Variants in ZBTB20 observed in about 807,000 individuals in gnomAD.
ZBTB20 encodes the protein zinc finger and BTB domain containing 20.
In ZBTB20, 9 loss-of-function variants were observed where a neutral mutation model predicts 56.9. The ratio of observed to expected loss-of-function variants is 0.16; its 90% CI spans 0.10 to 0.28. The LOEUF is 0.28. Among genes scored for constraint, ZBTB20 ranks in the 10% least tolerant of loss-of-function variants. The pLI is 1.00. For synonymous variants in ZBTB20, 417 were observed against 420.7 expected (o/e 0.99, Z 0.11); for missense variants, 655 against 1,003.0 (o/e 0.65, Z 4.69).
At chr3:114,972,842 G>A (rs912289715) in intron 3 of ZBTB20, among the ~76,000 whole-genome samples, 1 of 151,474 alleles carries the variant, frequency 6.6e-6, no homozygotes, top group Non-Finnish European at 1.5e-5. Context: ...ATTTCTCTCT[G>A]TCTCTCTCAC....
At chr3:114,537,180 C>G (rs1406744519) in intron 6 of ZBTB20, among the ~76,000 whole-genome samples, 1 of 152,100 alleles carries the variant, frequency 6.6e-6, no homozygotes, top group Non-Finnish European at 1.5e-5. Context: ...GCAAAAGAAA[C>G]TATCATCAGA....
Position 114,337,057 on chromosome 3 carries a change from T to C in ZBTB20, c.*1948A>G, listed in dbSNP as rs1464055367. The C allele has an allele frequency of 6.6e-6, 1 of 152,198 alleles. No individual in the cohort carries two copies. The highest frequency in any genetic ancestry group is 1.5e-5 in the Non-Finnish European group (1 of 68,022). The allele number at this position is 152,198 out of a possible 1,614,324, so 9.4% of individuals were successfully genotyped here. A position where few individuals can be genotyped will look rare whatever the true frequency, so the allele number is the denominator to read the frequency against. The stretch of plus-strand genomic sequence containing the variant: ...TAGGAAGAGAGAGTGGCATCTGGTA[T>C]GATGCAATAGATTGGTGGTCTTTTG... On this transcript the variant is annotated 3_prime_UTR_variant, in exon 12 of 12. Coordinates refer to ENST00000675478, the MANE Select transcript of ZBTB20 (RefSeq NM_001348800.3).
chr3:115,084,285 CAAA>C (rs11426311), intron 1 of ZBTB20, among the ~76,000 whole-genome samples: 4 of 119,868 alleles, frequency 3.3e-5, no homozygotes, highest in Admixed American at 2.5e-4. Context: ...TGAAGAGTGC[CAAA>C]AAAAAAAAAA....
At chr3:114,449,168 TA>T (rs1314862946) in intron 7 of ZBTB20, among the ~76,000 whole-genome samples, 3 of 152,176 alleles carry the variant, frequency 2.0e-5, no homozygotes, top group Non-Finnish European at 4.4e-5. Context: ...TGCACATCAA[TA>T]AGTATTTTGT....
At chr3:115,112,680 C>CA (rs538719143) in intron 1 of ZBTB20, among the ~76,000 whole-genome samples, 42 of 152,272 alleles carry the variant, frequency 2.8e-4, no homozygotes, top group Non-Finnish European at 4.6e-4. Context: ...ATATATGCCA[C>CA]ATTTTTTTAT....
chr3:115,058,275 T>A (rs1056270391), intron 2 of ZBTB20, among the ~76,000 whole-genome samples: 3 of 152,326 alleles, frequency 2.0e-5, no homozygotes, highest in Admixed American at 2.0e-4. Flanking sequence ...CTCCTGTACA[T>A]AATGCCTCCA....
At chr3:114,959,011 T>C (rs1175443518) in intron 3 of ZBTB20, among the ~76,000 whole-genome samples, 1 of 152,176 alleles carries the variant, frequency 6.6e-6, no homozygotes. Flanking sequence ...CCAAACTATA[T>C]ATAACCAAGT....
chr3:114,547,831 C>T (rs1464177176), intron 6 of ZBTB20, among the ~76,000 whole-genome samples: 2 of 152,154 alleles, frequency 1.3e-5, no homozygotes, highest in Non-Finnish European at 2.9e-5. Context: ...TGAACAGAAA[C>T]TAGTTTAAAC....
At chr3:114,417,891 T>C (rs2088737318) in intron 7 of ZBTB20, among the ~76,000 whole-genome samples, 1 of 151,940 alleles carries the variant, frequency 6.6e-6, no homozygotes, top group Admixed American at 6.6e-5. Flanking sequence ...CAAACCAGAG[T>C]ATTGCACATG....
chr3:114,898,535 A>T (rs1447452994), intron 4 of ZBTB20, among the ~76,000 whole-genome samples: 1 of 152,108 alleles, frequency 6.6e-6, no homozygotes, highest in Non-Finnish European at 1.5e-5. Flanking sequence ...ACTGTATAAC[A>T]AGTAATAAGA....
intron 5 of ZBTB20, among the ~76,000 whole-genome samples, chr3:114,753,212 A>C (rs1415025587): frequency 6.7e-6 from 1 of 149,082 alleles, no homozygotes; most frequent in Admixed American, 6.7e-5. Context: ...AAAATGAAGC[A>C]TATTTTTTAT....
chr3:114,813,428 T>C (rs1414753830), intron 4 of ZBTB20, among the ~76,000 whole-genome samples: 4 of 152,180 alleles, frequency 2.6e-5, no homozygotes, highest in African/African-American at 9.7e-5. Flanking sequence ...CTGTCCCAAC[T>C]TCATTACTAT....
At chr3:114,815,498 G>T (rs1247102087) in intron 4 of ZBTB20, among the ~76,000 whole-genome samples, 1 of 152,074 alleles carries the variant, frequency 6.6e-6, no homozygotes, top group East Asian at 1.9e-4. Flanking sequence ...TGCACACAAC[G>T]AGTAGCCTCC....
chr3:115,146,877 A>ACGTCCCGCC (rs2085000121), intron 1 of ZBTB20, among the ~76,000 whole-genome samples: 2 of 150,758 alleles, frequency 1.3e-5, no homozygotes, highest in Admixed American at 1.3e-4. Context: ...CAGCTGCGGG[A>ACGTCCCGCC]CGTCCCGCCC....
intron 7 of ZBTB20, among the ~76,000 whole-genome samples, chr3:114,499,885 T>C (rs1375907246): frequency 1.3e-5 from 2 of 152,210 alleles, no homozygotes; most frequent in African/African-American, 4.8e-5. Flanking sequence ...TACAGTCTTG[T>C]ACTTCTTAGT....
intron 3 of ZBTB20, among the ~76,000 whole-genome samples, chr3:114,928,040 T>C (rs1373423656): frequency 2.0e-5 from 3 of 152,258 alleles, no homozygotes; most frequent in African/African-American, 7.2e-5. Context: ...ACTATGAGAC[T>C]TTGGACAGGT....
At position 114,318,977 on chromosome 3, in the gene ZBTB20, C is replaced by T. The variant is rs568328769; in HGVS notation, c.*20028G>A. The T allele has an allele frequency of 6.6e-6, 1 of 152,142 alleles. No individual in the cohort carries two copies. The highest frequency in any genetic ancestry group is 2.4e-5 in the African/African-American group (1 of 41,490). 9.4% of individuals were successfully genotyped at this position (152,142 alleles called of 1,614,324 possible). ...AAAAAAAGAATAAAACAAGAACAAT[C>T]CCTTTACTTACTCATCTGAAACAAA... On this transcript the variant is annotated 3_prime_UTR_variant, in exon 12 of 12. Coordinates refer to ENST00000675478, the MANE Select transcript of ZBTB20 (RefSeq NM_001348800.3).
At chr3:114,868,510 T>G (rs1467098244) in intron 4 of ZBTB20, among the ~76,000 whole-genome samples, 3 of 152,220 alleles carry the variant, frequency 2.0e-5, no homozygotes, top group African/African-American at 7.2e-5. Flanking sequence ...AGAACTTACC[T>G]TCACTACCTA....
chr3:114,350,434 C>T lies in ZBTB20; in HGVS notation c.1644G>A (p.Ser548=), dbSNP rs758500362. The change falls in exon 11 of 12, where the codon TCG becomes TCA. Residue 548 remains serine (S), a synonymous_variant. Transcript: ENST00000675478. ...QFVTVSQPGL[S]TFTAQLPAPQ... ...GCGCTGGCAGCTGTGCAGTAAAGGT[C>T]GACAGACCGGGCTGGGACACTGTCA... The T allele has an allele frequency of 5.6e-6, 9 of 1,614,092 alleles. No individual in the cohort carries two copies. In the Admixed American group the frequency reaches 1.0e-4, roughly 18 times the overall value.
Sources: allele counts gnomAD v4.1 joint callset (sites outside exome capture counted in the v4.1 genomes callset), GRCh38; gene constraint gnomAD v4.1.1; transcripts MANE v1.5; gene names NCBI Gene and HGNC (gene_info 2026-07-23, HGNC 2026-07-21).